The following KHDRBS2 variants were observed in gnomAD, a reference collection of about 807,000 sequenced individuals.
KHDRBS2 encodes the protein KH domain-containing, RNA-binding, signal transduction-associated protein 2.
A neutral mutation model predicts 44.3 loss-of-function variants in KHDRBS2; 26 were observed. The ratio of observed to expected loss-of-function variants is 0.59; its 90% CI spans 0.43 to 0.81. The LOEUF is 0.81. KHDRBS2 is among the 40% of genes least tolerant of loss of function. KHDRBS2 has a pLI of 0.00. For missense variants in KHDRBS2, 476 were observed against 433.1 expected, an observed-to-expected ratio of 1.10 and a Z score of -0.88; for synonymous variants, 194 against 151.1, an observed-to-expected ratio of 1.28 and a Z score of -2.08.
intron 7 of KHDRBS2, among the ~76,000 whole-genome samples, chr6:61,721,680 C>A (rs1192199565): frequency 2.4e-4 from 29 of 119,344 alleles, no homozygotes; most frequent in African/African-American, 2.8e-4. Context: ...AGATTTTGGG[C>A]TGAGACGATG....
chr6:62,067,876 T>C (rs1017042732), intron 2 of KHDRBS2, among the ~76,000 whole-genome samples: 9 of 151,634 alleles, frequency 5.9e-5, no homozygotes, highest in Admixed American at 2.6e-4. Context: ...TTTAGGTTCA[T>C]ACATGTGTTG....
At chr6:62,244,167 G>A (rs984910090) in intron 1 of KHDRBS2, among the ~76,000 whole-genome samples, 4 of 152,048 alleles carry the variant, frequency 2.6e-5, no homozygotes, top group Admixed American at 1.3e-4. Flanking sequence ...AAACGTACAC[G>A]TGAAACTATT....
intron 6 of KHDRBS2, among the ~76,000 whole-genome samples, chr6:61,892,935 C>G (rs1562383503): frequency 2.0e-5 from 3 of 151,894 alleles, no homozygotes; most frequent in Admixed American, 6.6e-5. Flanking sequence ...TTCTGCACAG[C>G]AAAAGAAACT....
chr6:61,636,726 T>G, the KHDRBS2 span, among the ~76,000 whole-genome samples: 2 of 152,100 alleles, frequency 1.3e-5, no homozygotes, highest in Non-Finnish European at 2.9e-5. Context: ...GTAGTGTTGC[T>G]GTTGAAAAAT....
At chr6:61,673,012 T>C in the KHDRBS2 span, among the ~76,000 whole-genome samples, 2 of 152,016 alleles carry the variant, frequency 1.3e-5, no homozygotes, top group Non-Finnish European at 2.9e-5. Flanking sequence ...CCATCTTGAA[T>C]TGATTTTTGT....
At chr6:62,042,401 T>C (rs1786722998) in intron 3 of KHDRBS2, among the ~76,000 whole-genome samples, 1 of 152,130 alleles carries the variant, frequency 6.6e-6, no homozygotes, top group Non-Finnish European at 1.5e-5. Flanking sequence ...ATGTTGTTGA[T>C]CTACTGTGCA....
At chr6:61,967,392 G>A (rs1281031812) in intron 4 of KHDRBS2, among the ~76,000 whole-genome samples, 1 of 125,296 alleles carries the variant, frequency 8.0e-6, no homozygotes, top group African/African-American at 3.1e-5. Flanking sequence ...TGTATGCTGT[G>A]AAGATAGATG....
At chr6:62,020,896 T>A (rs186957139) in intron 3 of KHDRBS2, among the ~76,000 whole-genome samples, 2 of 152,110 alleles carry the variant, frequency 1.3e-5, no homozygotes, top group Admixed American at 1.3e-4. Flanking sequence ...CCCAAAATAA[T>A]ACAAACCGTT....
intron 8 of KHDRBS2, among the ~76,000 whole-genome samples, chr6:61,685,625 T>A (rs1478809706): frequency 6.6e-6 from 1 of 151,822 alleles, no homozygotes; most frequent in Non-Finnish European, 1.5e-5. Context: ...CTCTATTTCA[T>A]GGTAGTCAGC....
chr6:61,912,785 C>T (rs1806283059), intron 4 of KHDRBS2, among the ~76,000 whole-genome samples: 1 of 152,108 alleles, frequency 6.6e-6, no homozygotes, highest in Admixed American at 6.6e-5. Flanking sequence ...CAGACTCAAT[C>T]CTATTCTGTA....
intron 4 of KHDRBS2, 112 bp downstream of exon 4, chr6:61,977,954 G>A: frequency 1.1e-6 from 1 of 896,430 alleles, no homozygotes; most frequent in Non-Finnish European, 1.7e-6. Context: ...CCTGTGGATA[G>A]ATCATTGGTT....
chr6:61,645,524 T>A, the KHDRBS2 span, among the ~76,000 whole-genome samples: 3,686 of 147,656 alleles, frequency 0.025, 69 homozygotes, highest in Middle Eastern at 0.088. Context: ...TTGGCAGCCA[T>A]AAAAAAAAAA....
At chr6:61,690,559 A>C (rs946136051) in intron 8 of KHDRBS2, among the ~76,000 whole-genome samples, 20 of 152,170 alleles carry the variant, frequency 1.3e-4, no homozygotes, top group Admixed American at 7.9e-4. Context: ...TAAATTTTTT[A>C]AAAAGTCAAG....
At chr6:61,670,271 C>A in the KHDRBS2 span, among the ~76,000 whole-genome samples, 1 of 151,250 alleles carries the variant, frequency 6.6e-6, no homozygotes, top group African/African-American at 2.4e-5. Context: ...GAATTACTCA[C>A]TAGAAACAAA....
At chr6:61,570,291 C>T in the KHDRBS2 span, among the ~76,000 whole-genome samples, 1 of 151,954 alleles carries the variant, frequency 6.6e-6, no homozygotes, top group African/African-American at 2.4e-5. Context: ...AAAGTTTTAG[C>T]AATAGACTAG....
intron 6 of KHDRBS2, among the ~76,000 whole-genome samples, chr6:61,781,569 TA>T (rs1782932171): frequency 1.3e-5 from 2 of 152,226 alleles, no homozygotes; most frequent in African/African-American, 4.8e-5. Context: ...TCATTTTTTA[TA>T]ACCTTTTCTC....
intron 2 of KHDRBS2, among the ~76,000 whole-genome samples, chr6:62,062,738 C>A (rs1360875989): frequency 2.7e-5 from 4 of 146,276 alleles, no homozygotes. Flanking sequence ...CAAGAGCAAA[C>A]ACATTCAAAA....
At chr6:62,127,695 C>T (rs1809295862) in intron 2 of KHDRBS2, among the ~76,000 whole-genome samples, 1 of 152,040 alleles carries the variant, frequency 6.6e-6, no homozygotes, top group African/African-American at 2.4e-5. Context: ...TGGAGCCACA[C>T]AGAACAAATC....
intron 6 of KHDRBS2, among the ~76,000 whole-genome samples, chr6:61,840,795 T>C (rs1211314001): frequency 6.6e-6 from 1 of 152,152 alleles, no homozygotes. Flanking sequence ...AAAATTCTTA[T>C]CGTGTTTTTA....
Sources: allele counts gnomAD v4.1 joint callset (sites outside exome capture counted in the v4.1 genomes callset), GRCh38; gene constraint gnomAD v4.1.1; transcripts MANE v1.5; gene names NCBI Gene and HGNC (gene_info 2026-07-23, HGNC 2026-07-21).